Variants in EPYC observed in about 807,000 individuals in gnomAD.
EPYC encodes epiphycan.
Under a neutral mutation model 30.1 loss-of-function variants are expected in EPYC, and 28 were observed. The observed-to-expected ratio is 0.93, with a 90% CI of 0.69 to 1.28. The LOEUF is 1.28. Ranked by LOEUF, EPYC falls within the 50% of genes most tolerant of loss-of-function variation. The probability of loss-of-function intolerance (pLI) is 0.00; values close to 1 mark genes in which losing one functional copy is unlikely to be tolerated. For missense variants in EPYC, 382 were observed against 383.5 expected, an observed-to-expected ratio of 1.00 and a Z score of 0.03; for synonymous variants, 144 against 141.4, an observed-to-expected ratio of 1.02 and a Z score of -0.13.
chr12:90,969,999 G>C (rs545128897), intron 6 of EPYC, 45 bp downstream of exon 6: 2 of 1,417,898 alleles, frequency 1.4e-6, no homozygotes, highest in East Asian at 4.6e-5. Flanking sequence ...TTTTGGCTTT[G>C]CTTTCTCTGA....
intron 2 of EPYC, among the ~76,000 whole-genome samples, chr12:91,001,614 C>T (rs757044724): frequency 3.3e-5 from 5 of 151,998 alleles, no homozygotes; most frequent in Non-Finnish European, 5.9e-5. Flanking sequence ...ACATTACTGC[C>T]GGAGAGACAA....
chr12:91,000,986 G>A (rs1363162854), intron 2 of EPYC, among the ~76,000 whole-genome samples: 1 of 151,900 alleles, frequency 6.6e-6, no homozygotes, highest in Non-Finnish European at 1.5e-5. Context: ...AATCCATACA[G>A]TGAAATAAAT....
chr12:90,980,355 T>C (rs1471127938), intron 2 of EPYC, among the ~76,000 whole-genome samples: 1 of 152,212 alleles, frequency 6.6e-6, no homozygotes, highest in African/African-American at 2.4e-5. Context: ...GTTTTGTTCA[T>C]GCTTCCTTGC....
chr12:90,974,038 T>TCACACACACA (rs560408641), intron 3 of EPYC, among the ~76,000 whole-genome samples: 8,946 of 140,356 alleles, frequency 0.064, 335 homozygotes, highest in Admixed American at 0.11. Flanking sequence ...TTACACACAC[T>TCACACACACA]CACACACACA....
intron 2 of EPYC, among the ~76,000 whole-genome samples, chr12:90,989,256 A>G (rs1877525215): frequency 6.6e-6 from 1 of 152,026 alleles, no homozygotes; most frequent in Admixed American, 6.6e-5. Flanking sequence ...TTTATAAACA[A>G]CTGTTCTTAG....
At chr12:90,965,603 A>G (rs1165120285) in intron 6 of EPYC, among the ~76,000 whole-genome samples, 1 of 152,120 alleles carries the variant, frequency 6.6e-6, no homozygotes, top group Non-Finnish European at 1.5e-5. Flanking sequence ...GTGTATTGAA[A>G]CATAATTGAT....
chr12:90,999,482 TAGG>T (rs1380161942), intron 2 of EPYC, among the ~76,000 whole-genome samples: 1 of 152,034 alleles, frequency 6.6e-6, no homozygotes, highest in African/African-American at 2.4e-5. Context: ...AACACACACA[TAGG>T]AGATTTAAAA....
At chr12:90,969,998 T>G (rs1372268363) in intron 6 of EPYC, 46 bp downstream of exon 6, 1 of 1,415,230 alleles carries the variant, frequency 7.1e-7, no homozygotes, top group Admixed American at 1.7e-5. Context: ...TTTTTGGCTT[T>G]GCTTTCTCTG....
intron 2 of EPYC, among the ~76,000 whole-genome samples, chr12:90,985,993 C>T (rs939949733): frequency 6.6e-6 from 1 of 152,156 alleles, no homozygotes; most frequent in Non-Finnish European, 1.5e-5. Context: ...CCAGGTATTT[C>T]TCCCACCTCC....
intron 2 of EPYC, among the ~76,000 whole-genome samples, chr12:90,984,519 G>T (rs1236663065): frequency 2.0e-5 from 3 of 152,022 alleles, no homozygotes; most frequent in African/African-American, 7.2e-5. Context: ...CTCTGTGATG[G>T]GGAAAAATGG....
chr12:90,964,612 G>A (rs1269084784), intron 6 of EPYC, among the ~76,000 whole-genome samples: 1 of 152,038 alleles, frequency 6.6e-6, no homozygotes, highest in African/African-American at 2.4e-5. Flanking sequence ...GTATTGTGAA[G>A]AAAATAGGAT....
intron 5 of EPYC, 112 bp from the exon 6 acceptor site, chr12:90,970,251 A>T (rs1343254628): frequency 2.7e-6 from 2 of 753,026 alleles, no homozygotes; most frequent in African/African-American, 1.7e-5. Context: ...TTTGTAAAAT[A>T]GCATGTTCCA....
intron 2 of EPYC, among the ~76,000 whole-genome samples, chr12:90,990,359 T>C (rs1489183154): frequency 6.6e-6 from 1 of 152,080 alleles, no homozygotes; most frequent in Non-Finnish European, 1.5e-5. Context: ...ACAGGGTAAC[T>C]ACACACATTT....
intron 2 of EPYC, among the ~76,000 whole-genome samples, chr12:90,980,016 A>T (rs1375523331): frequency 3.3e-5 from 5 of 152,178 alleles, no homozygotes; most frequent in African/African-American, 1.2e-4. Flanking sequence ...CCAGCTGAGA[A>T]GTTTGGGCAC....
chr12:90,990,017 G>T (rs1312574446), intron 2 of EPYC, among the ~76,000 whole-genome samples: 1 of 152,010 alleles, frequency 6.6e-6, no homozygotes, highest in Non-Finnish European at 1.5e-5. Context: ...ATGCCAGAAA[G>T]ACAATTTAGG....
At chr12:90,969,727 T>G (rs1181831465) in intron 6 of EPYC, among the ~76,000 whole-genome samples, 1 of 152,132 alleles carries the variant, frequency 6.6e-6, no homozygotes, top group African/African-American at 2.4e-5. Flanking sequence ...TCTAATCTTT[T>G]CATTTTCTTC....
intron 2 of EPYC, among the ~76,000 whole-genome samples, chr12:91,001,155 G>A (rs1029516024): frequency 7.2e-5 from 11 of 151,912 alleles, no homozygotes; most frequent in African/African-American, 2.7e-4. Context: ...GAGAGAGAAG[G>A]GGGAGAGGGG....
Position 90,978,653 on chromosome 12 carries a change from A to G in EPYC, c.166-391T>C, listed in dbSNP as rs558271438. On this transcript the variant is annotated intron_variant, in intron 2 of 6. Transcript: ENST00000261172. ...TTCAGAAGTGTACAGAGTAAATTCA[A>G]AACTCCCCTTTACCATCCAGCTCTC... is the stretch of plus-strand genomic sequence containing the variant. Among the ~76,000 whole-genome samples, 75 of 152,268 alleles carry G rather than the reference A, an allele frequency of 4.9e-4. 1 individual carries two copies. Among genetic ancestry groups the G allele is most frequent in the African/African-American group, 1.8e-3 (75 of 41,568 alleles).
chr12:91,002,626 G>A, intron 1 of EPYC, 48 bp from the exon 2 acceptor site: 1 of 1,407,754 alleles, frequency 7.1e-7, no homozygotes, highest in African/African-American at 1.5e-5. Context: ...GATAACTTAT[G>A]AATAGTTTGC....
Sources: gnomAD v4.1 joint callset for allele counts (sites outside exome capture counted in the v4.1 genomes callset) on GRCh38, gnomAD v4.1.1 for gene constraint, MANE v1.5 for transcripts, NCBI Gene and HGNC (gene_info 2026-07-23, HGNC 2026-07-21) for gene names.